C12orf75: variants seen among roughly 807,000 people sequenced by gnomAD.
C12orf75 encodes overexpressed in colon carcinoma 1 protein.
A neutral mutation model predicts 11.4 loss-of-function variants in C12orf75; 4 were observed. That is an observed-to-expected ratio of 0.35 (90% CI 0.17 to 0.80). The LOEUF (loss-of-function observed/expected upper bound fraction) is 0.80. Among genes scored for constraint, C12orf75 ranks in the 30% least tolerant of loss-of-function variants. The pLI is 0.52. For synonymous variants in C12orf75, 30 were observed against 30.0 expected (o/e 1.00, Z 0.00); for missense variants, 89 against 80.4 (o/e 1.11, Z -0.41).
chr12:105,338,326 C>T (rs1383391281), intron 1 of C12orf75, among the ~76,000 whole-genome samples: 2 of 152,126 alleles, frequency 1.3e-5, no homozygotes, highest in African/African-American at 4.8e-5. Context: ...AGGCATGCAC[C>T]ACCGCACCCA....
At chr12:105,354,744 A>T (rs1367861227) in intron 2 of C12orf75, among the ~76,000 whole-genome samples, 1 of 152,156 alleles carries the variant, frequency 6.6e-6, no homozygotes, top group African/African-American at 2.4e-5. Context: ...GACCCTGTGA[A>T]ATAGGAGCAG....
At chr12:105,354,313 T>G (rs1892748683) in intron 2 of C12orf75, among the ~76,000 whole-genome samples, 1 of 152,218 alleles carries the variant, frequency 6.6e-6, no homozygotes, top group Non-Finnish European at 1.5e-5. Context: ...GTGATCATCT[T>G]CATCATCATC....
chr12:105,347,110 T>C (rs1298932791), intron 1 of C12orf75, among the ~76,000 whole-genome samples: 2 of 152,182 alleles, frequency 1.3e-5, no homozygotes, highest in South Asian at 2.1e-4. Context: ...CTTGTAGGAG[T>C]TGGAACCAAG....
At chr12:105,357,746 A>G (rs898922834) in intron 2 of C12orf75, among the ~76,000 whole-genome samples, 1 of 150,714 alleles carries the variant, frequency 6.6e-6, no homozygotes, top group Non-Finnish European at 1.5e-5. Flanking sequence ...ACAAAAGGAG[A>G]CCTGATTTTA....
At chr12:105,335,529 A>G (rs1459557579) in intron 1 of C12orf75, among the ~76,000 whole-genome samples, 2 of 152,106 alleles carry the variant, frequency 1.3e-5, no homozygotes. Flanking sequence ...TCTGTGGGAA[A>G]CACTTTTTTG....
chr12:105,361,126 G>T (rs544233707), intron 2 of C12orf75, among the ~76,000 whole-genome samples: 1 of 152,032 alleles, frequency 6.6e-6, no homozygotes, highest in Admixed American at 6.6e-5. Flanking sequence ...CAAGAGGGAG[G>T]CTCGTGTGAT....
At chr12:105,341,086 A>G (rs1295980172) in intron 1 of C12orf75, among the ~76,000 whole-genome samples, 1 of 152,236 alleles carries the variant, frequency 6.6e-6, no homozygotes, top group Non-Finnish European at 1.5e-5. Context: ...AAACGAAGAC[A>G]ATATTTTTCT....
chr12:105,365,146 C>T (rs995584475), intron 2 of C12orf75, among the ~76,000 whole-genome samples: 2 of 152,132 alleles, frequency 1.3e-5, no homozygotes, highest in South Asian at 2.1e-4. Flanking sequence ...TTGGATTCCT[C>T]TTAATGCAAG....
intron 2 of C12orf75, among the ~76,000 whole-genome samples, chr12:105,349,116 A>T: frequency 6.6e-6 from 1 of 152,244 alleles, no homozygotes; most frequent in East Asian, 1.9e-4. Flanking sequence ...TCTTTAGAGC[A>T]CAGGGCATTT....
intron 1 of C12orf75, among the ~76,000 whole-genome samples, chr12:105,345,808 A>G (rs548237270): frequency 6.4e-4 from 96 of 150,396 alleles, no homozygotes; most frequent in African/African-American, 2.2e-3. Flanking sequence ...ATAGGCGCCC[A>G]CCACCACACC....
At chr12:105,342,700 T>A (rs1892589803) in intron 1 of C12orf75, among the ~76,000 whole-genome samples, 2 of 152,142 alleles carry the variant, frequency 1.3e-5, no homozygotes, top group African/African-American at 4.8e-5. Flanking sequence ...TGAAGCCATA[T>A]AGGGGCTTGG....
chr12:105,351,551 G>A (rs1338087133), intron 2 of C12orf75, among the ~76,000 whole-genome samples: 1 of 152,178 alleles, frequency 6.6e-6, no homozygotes, highest in Admixed American at 6.5e-5. Context: ...GTCTACTAGG[G>A]ACCAAAATAC....
At chr12:105,345,953 C>G (rs1034738249) in intron 1 of C12orf75, among the ~76,000 whole-genome samples, 4 of 152,008 alleles carry the variant, frequency 2.6e-5, no homozygotes, top group African/African-American at 9.7e-5. Context: ...CGTGAGCCAC[C>G]GTGCCCGGCC....
At chr12:105,337,194 C>G (rs912224654) in intron 1 of C12orf75, among the ~76,000 whole-genome samples, 1 of 152,058 alleles carries the variant, frequency 6.6e-6, no homozygotes. Flanking sequence ...CGTGGTGGCG[C>G]ACACCTGTAA....
chr12:105,366,516 T>A, intron 3 of C12orf75, 101 bp from the exon 4 acceptor site: 1 of 500,956 alleles, frequency 2.0e-6, no homozygotes, highest in South Asian at 4.4e-5. Flanking sequence ...AAATCATGAG[T>A]TATTTTAATA....
At chr12:105,369,001 A>G (rs1187617213) in intron 5 of C12orf75, among the ~76,000 whole-genome samples, 2 of 152,240 alleles carry the variant, frequency 1.3e-5, no homozygotes, top group African/African-American at 2.4e-5. Flanking sequence ...TATTTGTATC[A>G]AATAGAAAAG....
intron 1 of C12orf75, among the ~76,000 whole-genome samples, chr12:105,333,393 A>G (rs192926100): frequency 2.8e-4 from 43 of 152,368 alleles, no homozygotes; most frequent in Non-Finnish European, 4.3e-4. Flanking sequence ...CAAGCTGCAC[A>G]CTAGGAGGAC....
At chr12:105,361,763 T>C (rs1892869179) in intron 2 of C12orf75, among the ~76,000 whole-genome samples, 1 of 152,316 alleles carries the variant, frequency 6.6e-6, no homozygotes, top group Middle Eastern at 3.4e-3. Context: ...CTTTGAACAC[T>C]GGCAGGACAG....
At chr12:105,367,886 G>T (rs895027474) in intron 5 of C12orf75, among the ~76,000 whole-genome samples, 3 of 152,122 alleles carry the variant, frequency 2.0e-5, no homozygotes, top group Non-Finnish European at 4.4e-5. Flanking sequence ...GATTTTAAGT[G>T]GTATTAGCCA....
Sources: allele counts gnomAD v4.1 joint callset (sites outside exome capture counted in the v4.1 genomes callset), GRCh38; gene constraint gnomAD v4.1.1; transcripts MANE v1.5; gene names NCBI Gene and HGNC (gene_info 2026-07-23, HGNC 2026-07-21).